Variants in GPHN observed in about 807,000 individuals in gnomAD.
The protein encoded by GPHN is gephyrin.
Under a neutral mutation model 95.5 loss-of-function variants are expected in GPHN, and 17 were observed. The ratio of observed to expected loss-of-function variants is 0.18; its 90% CI spans 0.12 to 0.27. The LOEUF is 0.27. Among genes scored for constraint, GPHN ranks in the 10% least tolerant of loss-of-function variants. GPHN has a pLI of 1.00. For synonymous variants in GPHN, 320 were observed against 322.5 expected (o/e 0.99, Z 0.08); for missense variants, 660 against 978.1 (o/e 0.67, Z 4.34).
chr14:67,123,993 T>C (rs1567366584), intron 17 of GPHN, among the ~76,000 whole-genome samples: 2 of 151,970 alleles, frequency 1.3e-5, no homozygotes, highest in African/African-American at 4.8e-5. Context: ...TTTGAAGTTC[T>C]CTTCTTTCCT....
At chr14:67,297,543 T>G in the GPHN span, among the ~76,000 whole-genome samples, 4 of 152,308 alleles carry the variant, frequency 2.6e-5, 1 homozygote, top group African/African-American at 9.6e-5. Context: ...TTAAACAGAT[T>G]TATATAAACA....
intron 18 of GPHN, among the ~76,000 whole-genome samples, chr14:67,157,850 AAG>A (rs946224473): frequency 2.4e-4 from 36 of 149,742 alleles, no homozygotes; most frequent in Admixed American, 4.7e-4. Context: ...GAAAGAGAAA[AAG>A]AGAGAGAGAG....
At chr14:66,701,892 G>C (rs959395426) in intron 2 of GPHN, among the ~76,000 whole-genome samples, 1 of 152,192 alleles carries the variant, frequency 6.6e-6, no homozygotes, top group Non-Finnish European at 1.5e-5. Context: ...AGCATGCTAA[G>C]CTCCCTGGGC....
chr14:66,666,628 A>T (rs1296248157), intron 1 of GPHN, among the ~76,000 whole-genome samples: 2 of 152,190 alleles, frequency 1.3e-5, no homozygotes, highest in African/African-American at 2.4e-5. Flanking sequence ...GAAGAAATGA[A>T]TATACCTCAA....
At chr14:67,368,526 G>C in the GPHN span, among the ~76,000 whole-genome samples, 78 of 152,264 alleles carry the variant, frequency 5.1e-4, 1 homozygote, top group African/African-American at 1.8e-3. Flanking sequence ...AGTTGGCTCT[G>C]TGATTAATGG....
downstream of GPHN, among the ~76,000 whole-genome samples, chr14:67,184,647 G>A (rs565354961): frequency 4.6e-5 from 7 of 152,278 alleles, no homozygotes; most frequent in African/African-American, 1.7e-4. Flanking sequence ...GTTTTATGGA[G>A]GAGTTGAGTT....
chr14:67,369,459 C>T, the GPHN span, among the ~76,000 whole-genome samples: 1 of 152,130 alleles, frequency 6.6e-6, no homozygotes, highest in East Asian at 1.9e-4. Context: ...ACAATTAGAT[C>T]AATGAAGACC....
chr14:67,621,496 C>A, the GPHN span, among the ~76,000 whole-genome samples: 2 of 151,642 alleles, frequency 1.3e-5, no homozygotes, highest in African/African-American at 4.8e-5. Flanking sequence ...TATTCCATCA[C>A]CCAGGCTGGA....
At chr14:67,340,721 C>T in the GPHN span, among the ~76,000 whole-genome samples, 8 of 152,296 alleles carry the variant, frequency 5.3e-5, no homozygotes, top group South Asian at 4.1e-4. Context: ...CCTCTGATGC[C>T]GAGCCGAAGC....
At chr14:66,520,417 G>C (rs746724985) in intron 1 of GPHN, among the ~76,000 whole-genome samples, 3 of 152,132 alleles carry the variant, frequency 2.0e-5, no homozygotes, top group Admixed American at 6.6e-5. Context: ...TATTGCAAAT[G>C]AGAGTTACTG....
the GPHN span, chr14:67,225,306 G>C: frequency 7.5e-7 from 1 of 1,335,162 alleles, no homozygotes; most frequent in Non-Finnish European, 9.8e-7. Context: ...ATACATGATA[G>C]CTATGATACT....
At chr14:67,360,996 C>A in the GPHN span, among the ~76,000 whole-genome samples, 31 of 152,264 alleles carry the variant, frequency 2.0e-4, no homozygotes, top group Admixed American at 1.2e-3. Flanking sequence ...TTGAATGAGT[C>A]ACCCCTTGAA....
the GPHN span, among the ~76,000 whole-genome samples, chr14:67,438,493 C>T: frequency 6.6e-6 from 1 of 152,174 alleles, no homozygotes; most frequent in Non-Finnish European, 1.5e-5. Context: ...GGCAGGTCAC[C>T]TCTCTAAACT....
chr14:67,285,358 T>G, the GPHN span, among the ~76,000 whole-genome samples: 1 of 150,420 alleles, frequency 6.6e-6, no homozygotes, highest in African/African-American at 2.5e-5. Flanking sequence ...TGGAGATTCC[T>G]TAGGTAAATT....
chr14:66,848,588 T>C (rs1424068040), intron 4 of GPHN, among the ~76,000 whole-genome samples: 6 of 152,020 alleles, frequency 3.9e-5, no homozygotes, highest in African/African-American at 1.4e-4. Context: ...CACACCATTT[T>C]GCATATGATA....
At chr14:67,301,826 A>G in the GPHN span, 1 of 945,942 alleles carries the variant, frequency 1.1e-6, no homozygotes, top group South Asian at 2.3e-5. Flanking sequence ...CCCTTAGTAT[A>G]CTTAACACAT....
chr14:66,710,591 T>G (rs2153421768), intron 2 of GPHN, among the ~76,000 whole-genome samples: 1 of 152,328 alleles, frequency 6.6e-6, no homozygotes, highest in Admixed American at 6.5e-5. Context: ...TTAGATCTGC[T>G]TGTTTGCCCT....
At chr14:66,510,009 A>T (rs924568102) in intron 1 of GPHN, among the ~76,000 whole-genome samples, 9 of 152,078 alleles carry the variant, frequency 5.9e-5, no homozygotes, top group African/African-American at 2.2e-4. Flanking sequence ...GATTAATTGA[A>T]TTTTCCTAAT....
At chr14:67,635,727 C>T in the GPHN span, among the ~76,000 whole-genome samples, 5 of 152,096 alleles carry the variant, frequency 3.3e-5, no homozygotes, top group African/African-American at 1.2e-4. Context: ...GTGGCAGGCA[C>T]CTGTAATACC....
Sources: allele counts gnomAD v4.1 joint callset (sites outside exome capture counted in the v4.1 genomes callset), GRCh38; gene constraint gnomAD v4.1.1; transcripts MANE v1.5; gene names NCBI Gene and HGNC (gene_info 2026-07-23, HGNC 2026-07-21).